Variants in AGBL1 observed in about 807,000 individuals in gnomAD.
AGBL1 encodes AGBL carboxypeptidase 1.
AGBL1 carries 130 observed loss-of-function variants against 118.9 expected under a neutral mutation model. The ratio of observed to expected loss-of-function variants is 1.09; its 90% CI spans 0.95 to 1.26. The LOEUF (loss-of-function observed/expected upper bound fraction) is 1.26. AGBL1 is among the 50% of genes most tolerant of loss of function. The pLI, the probability that AGBL1 is intolerant of heterozygous loss-of-function variation, is 0.00. For missense variants in AGBL1, 1,584 were observed against 1,298.1 expected, an observed-to-expected ratio of 1.22 and a Z score of -3.38; for synonymous variants, 555 against 478.9, an observed-to-expected ratio of 1.16 and a Z score of -2.08.
In AGBL1 at chr15:86,236,986, G is replaced by A. The variant is rs1390731183; in HGVS notation, c.527-10685G>A. 1.4e-5 allele frequency among the ~76,000 whole-genome samples: 2 copies of A among 144,780 alleles called. 1 individual carries two copies. The highest frequency in any genetic ancestry group is 5.1e-5 in the African/African-American group (2 of 39,428). 95.0% of individuals were successfully genotyped at this position (144,780 alleles called of 152,430 possible). A position where few individuals can be genotyped will look rare whatever the true frequency, so the allele number is the denominator to read the frequency against. ...GCCAAGTTGCCAGGCACATGTTGGG[G>A]CAAGGGCAAGAAGATGTGGGTGGGC... On this transcript the variant is annotated intron_variant, in intron 6 of 22. Transcript: ENST00000614907.
At chr15:86,198,342 C>G (rs550044095) in intron 5 of AGBL1, among the ~76,000 whole-genome samples, 2 of 152,054 alleles carry the variant, frequency 1.3e-5, no homozygotes, top group African/African-American at 2.4e-5. Flanking sequence ...TGTATTCGAC[C>G]GTACTTGACT....
chr15:86,332,208 A>G (rs2080281584), intron 17 of AGBL1, among the ~76,000 whole-genome samples: 1 of 152,242 alleles, frequency 6.6e-6, no homozygotes, highest in Non-Finnish European at 1.5e-5. Flanking sequence ...CAGCAAGAAG[A>G]CTTATCTTAA....
chr15:86,587,912 G>A (rs887962940), intron 21 of AGBL1, among the ~76,000 whole-genome samples: 2 of 152,108 alleles, frequency 1.3e-5, no homozygotes, highest in African/African-American at 4.8e-5. Flanking sequence ...TCTTCCCCAG[G>A]CTCCAACGAC....
At chr15:86,429,336 G>A (rs1037942126) in intron 18 of AGBL1, among the ~76,000 whole-genome samples, 8 of 152,164 alleles carry the variant, frequency 5.3e-5, no homozygotes, top group Admixed American at 1.3e-4. Context: ...CTATTCTACC[G>A]CATTGAGACC....
intron 4 of AGBL1, among the ~76,000 whole-genome samples, chr15:86,154,860 T>TA (rs111894274): frequency 0.041 from 6,293 of 152,102 alleles, 427 homozygotes; most frequent in African/African-American, 0.14. Context: ...TACTACAAGG[T>TA]AAAAAAAGGT....
At chr15:86,479,945 T>C (rs2082626860) in intron 18 of AGBL1, among the ~76,000 whole-genome samples, 1 of 152,132 alleles carries the variant, frequency 6.6e-6, no homozygotes, top group South Asian at 2.1e-4. Context: ...GGGACATGGA[T>C]GAAGCTGGAA....
intron 18 of AGBL1, among the ~76,000 whole-genome samples, chr15:86,402,091 T>A (rs969566255): frequency 6.6e-6 from 1 of 152,192 alleles, no homozygotes; most frequent in Non-Finnish European, 1.5e-5. Flanking sequence ...GCATGGGATG[T>A]GTTTCCATTT....
intron 6 of AGBL1, among the ~76,000 whole-genome samples, chr15:86,231,091 C>G (rs904221456): frequency 6.6e-5 from 10 of 152,104 alleles, no homozygotes; most frequent in African/African-American, 2.4e-4. Context: ...TTCATAGAAC[C>G]TTATGTTTAT....
At chr15:86,560,295 C>T (rs1418272499) in intron 21 of AGBL1, among the ~76,000 whole-genome samples, 2 of 150,270 alleles carry the variant, frequency 1.3e-5, no homozygotes, top group East Asian at 4.0e-4. Context: ...CCCCCCTCCC[C>T]ACCCCCGCAA....
chr15:86,161,469 G>T (rs1375223092), intron 5 of AGBL1, among the ~76,000 whole-genome samples: 1 of 152,168 alleles, frequency 6.6e-6, no homozygotes, highest in African/African-American at 2.4e-5. Flanking sequence ...AGAGAGCTGG[G>T]ATTTAAACCC....
Position 86,258,027 on chromosome 15 carries a change from T to A in AGBL1, c.965T>A (p.Val322Glu). ...DKDSDTEDGK[V>E]EDDDLETDVN... ...GACTCTGATACTGAAGATGGGAAAGTGGAAGTAGGTACACCAGCCCATGCT... is the reference window on the plus strand; with the variant it reads ...GACTCTGATACTGAAGATGGGAAAGAGGAAGTAGGTACACCAGCCCATGCT... Residue 322 changes from valine (V) to glutamate (E), a missense_variant, in exon 9 of 23, where the codon GTG (valine) becomes GAG (glutamate). Coordinates refer to ENST00000614907, the MANE Select transcript of AGBL1 (RefSeq NM_001386094.1). 1.2e-6 allele frequency: 2 copies of A among 1,613,552 alleles called. No individual in the cohort carries two copies. The highest frequency in any genetic ancestry group is 1.7e-6 in the Non-Finnish European group (2 of 1,179,734).
At chr15:86,957,390 G>C (rs1315366397) in intron 23 of AGBL1, among the ~76,000 whole-genome samples, 4 of 151,908 alleles carry the variant, frequency 2.6e-5, no homozygotes, top group African/African-American at 9.7e-5. Context: ...TTGGGAAAAA[G>C]TTAAAATCTT....
At chr15:86,685,561 A>C (rs1470237149) in intron 22 of AGBL1, among the ~76,000 whole-genome samples, 2 of 152,290 alleles carry the variant, frequency 1.3e-5, no homozygotes, top group East Asian at 3.9e-4. Context: ...GAAGGAAGAG[A>C]CGATAATGAT....
intron 22 of AGBL1, among the ~76,000 whole-genome samples, chr15:86,711,028 A>G (rs2086546829): frequency 6.6e-6 from 1 of 152,204 alleles, no homozygotes; most frequent in Admixed American, 6.5e-5. Flanking sequence ...CACTAGATCT[A>G]GACCCTAGGC....
chr15:86,916,635 A>G (rs148663500), downstream of AGBL1, among the ~76,000 whole-genome samples: 146 of 152,326 alleles, frequency 9.6e-4, 1 homozygote, highest in African/African-American at 3.2e-3. Context: ...TTACTTCAAT[A>G]TATGGCTTTG....
chr15:86,891,082 G>T (rs143317594), intron 22 of AGBL1, among the ~76,000 whole-genome samples: 1 of 151,948 alleles, frequency 6.6e-6, no homozygotes, highest in African/African-American at 2.4e-5. Flanking sequence ...TTGAGCAGTA[G>T]TTGAAGAAGT....
chr15:86,158,389 C>G (rs2077221328), intron 4 of AGBL1, among the ~76,000 whole-genome samples: 1 of 152,172 alleles, frequency 6.6e-6, no homozygotes, highest in African/African-American at 2.4e-5. Flanking sequence ...AAGCACAAGG[C>G]ATTCATAGGT....
chr15:86,687,186 C>T (rs1026136906), intron 22 of AGBL1, among the ~76,000 whole-genome samples: 2 of 152,106 alleles, frequency 1.3e-5, no homozygotes, highest in Non-Finnish European at 2.9e-5. Context: ...GCCAGTTTAC[C>T]TTCAATAGAA....
intron 22 of AGBL1, among the ~76,000 whole-genome samples, chr15:86,797,344 A>G (rs902271233): frequency 6.6e-6 from 1 of 152,254 alleles, no homozygotes; most frequent in African/African-American, 2.4e-5. Context: ...AGTGACCCAC[A>G]GGAGGCTGTG....
Sources: allele counts gnomAD v4.1 joint callset (sites outside exome capture counted in the v4.1 genomes callset), GRCh38; gene constraint gnomAD v4.1.1; transcripts MANE v1.5; gene names NCBI Gene and HGNC (gene_info 2026-07-23, HGNC 2026-07-21).